KAZN: variants seen among roughly 807,000 people sequenced by gnomAD.
The protein encoded by KAZN is kazrin.
In KAZN, 40 loss-of-function variants were observed where a neutral mutation model predicts 87.4. The observed-to-expected ratio is 0.46, with a 90% CI of 0.36 to 0.60. The LOEUF is 0.60. Ranked by LOEUF, KAZN falls within the 20% of genes least tolerant of loss-of-function variation. The pLI, the probability that KAZN is intolerant of heterozygous loss-of-function variation, is 0.00. For synonymous variants in KAZN, 466 were observed against 458.3 expected (o/e 1.02, Z -0.22); for missense variants, 898 against 1,073.9 (o/e 0.84, Z 2.29).
intron 1 of KAZN, among the ~76,000 whole-genome samples, chr1:14,142,620 C>T (rs767281132): frequency 9.2e-5 from 14 of 152,202 alleles, no homozygotes; most frequent in Non-Finnish European, 1.8e-4. Flanking sequence ...AGCCTGAAAG[C>T]GCTGTAGCCT....
intron 1 of KAZN, among the ~76,000 whole-genome samples, chr1:14,033,075 A>G (rs1410007772): frequency 1.3e-5 from 2 of 152,162 alleles, no homozygotes; most frequent in East Asian, 3.9e-4. Flanking sequence ...GCACAAAAAG[A>G]CATTTGTTGA....
chr1:14,093,497 A>C (rs1429947483), intron 1 of KAZN, among the ~76,000 whole-genome samples: 2 of 152,208 alleles, frequency 1.3e-5, no homozygotes, highest in African/African-American at 2.4e-5. Context: ...ATTTGAACTA[A>C]TTCCTTCCCT....
chr1:14,710,434 G>T (rs528169329), intron 1 of KAZN, among the ~76,000 whole-genome samples: 3 of 152,276 alleles, frequency 2.0e-5, no homozygotes, highest in Non-Finnish European at 4.4e-5. Flanking sequence ...ACCGTGGCAC[G>T]TGGGGCCCTA....
intron 1 of KAZN, among the ~76,000 whole-genome samples, chr1:13,934,911 G>T (rs1027547220): frequency 2.0e-5 from 3 of 152,090 alleles, no homozygotes; most frequent in African/African-American, 7.2e-5. Context: ...AGTTTTTACC[G>T]AGAGATGAAA....
At chr1:14,535,003 G>C (rs1166297162) in intron 2 of KAZN, among the ~76,000 whole-genome samples, 1 of 152,054 alleles carries the variant, frequency 6.6e-6, no homozygotes, top group Non-Finnish European at 1.5e-5. Flanking sequence ...ACTAGATCTT[G>C]AGTTTGGGGC....
chr1:13,929,706 G>C (rs983356520), intron 1 of KAZN, among the ~76,000 whole-genome samples: 2 of 152,172 alleles, frequency 1.3e-5, no homozygotes, highest in African/African-American at 4.8e-5. Context: ...GTTGGCATAG[G>C]AAAGGGATGG....
At chr1:14,397,722 G>T (rs537220187) in intron 2 of KAZN, among the ~76,000 whole-genome samples, 1 of 151,882 alleles carries the variant, frequency 6.6e-6, no homozygotes, top group African/African-American at 2.4e-5. Flanking sequence ...TTAGCTGGGC[G>T]TGGTGGCAGG....
At chr1:13,895,433 AG>A (rs1191212234) in intron 1 of KAZN, among the ~76,000 whole-genome samples, 1 of 152,176 alleles carries the variant, frequency 6.6e-6, no homozygotes, top group Non-Finnish European at 1.5e-5. Flanking sequence ...GGCCTAAATC[AG>A]GCCATGAAAT....
At chr1:15,097,769 G>C (rs376282806) in intron 10 of KAZN, among the ~76,000 whole-genome samples, 3 of 152,240 alleles carry the variant, frequency 2.0e-5, no homozygotes, top group South Asian at 4.2e-4. Context: ...AGTGAGCCGA[G>C]ACTGCATCAT....
chr1:14,547,590 C>T (rs1234718406), intron 2 of KAZN, among the ~76,000 whole-genome samples: 2 of 152,026 alleles, frequency 1.3e-5, no homozygotes, highest in Non-Finnish European at 2.9e-5. Flanking sequence ...TAAAATAACG[C>T]TGTTGTTGTT....
At chr1:14,968,632 C>A (rs977256608) in intron 2 of KAZN, among the ~76,000 whole-genome samples, 3 of 152,110 alleles carry the variant, frequency 2.0e-5, no homozygotes, top group African/African-American at 7.2e-5. Flanking sequence ...GCAGCCAGCA[C>A]GGGGCGGGTG....
chr1:14,529,425 G>A lies in KAZN; in HGVS notation c.250-69558G>A, dbSNP rs75933500. 5.7e-4 allele frequency among the ~76,000 whole-genome samples: 87 copies of A among 152,330 alleles called. 1 individual carries two copies. The East Asian group carries it at 0.015, about 27-fold the overall frequency. The stretch of plus-strand genomic sequence containing the variant: ...TGATTTGGATTCATGCAAAGAGAAC[G>A]AAAGAGTCACTGTGCAACTTCTGAC... On this transcript the variant is annotated intron_variant, in intron 2 of 16. Coordinates refer to the KAZN transcript ENST00000636203.
At chr1:14,458,578 G>A (rs1008015280) in intron 2 of KAZN, among the ~76,000 whole-genome samples, 6 of 152,274 alleles carry the variant, frequency 3.9e-5, no homozygotes, top group African/African-American at 7.2e-5. Context: ...CCTTTTCTCC[G>A]GGGAGGCTCT....
intron 2 of KAZN, among the ~76,000 whole-genome samples, chr1:14,191,731 AACTGGGTTTAGAGACT>A (rs1421679324): frequency 6.6e-6 from 1 of 152,126 alleles, no homozygotes; most frequent in Non-Finnish European, 1.5e-5. Flanking sequence ...GAGGTCTTGA[AACTGGGTTTAGAGACT>A]ACATAGCCAG....
intron 1 of KAZN, among the ~76,000 whole-genome samples, chr1:14,070,813 C>G (rs942881177): frequency 6.6e-6 from 1 of 152,140 alleles, no homozygotes; most frequent in Admixed American, 6.5e-5. Context: ...TGTTACTGAA[C>G]TGTGTTTGAT....
chr1:13,996,643 G>A (rs1639532172), intron 1 of KAZN, among the ~76,000 whole-genome samples: 1 of 152,184 alleles, frequency 6.6e-6, no homozygotes, highest in Non-Finnish European at 1.5e-5. Flanking sequence ...ACTGGGTGGG[G>A]CTTCCTTGTA....
intron 1 of KAZN, among the ~76,000 whole-genome samples, chr1:13,947,634 A>G (rs1243501043): frequency 6.6e-6 from 1 of 152,198 alleles, no homozygotes; most frequent in African/African-American, 2.4e-5. Flanking sequence ...TGCCGTAACA[A>G]ATACTTCAGA....
intron 2 of KAZN, among the ~76,000 whole-genome samples, chr1:14,299,032 A>G (rs1366043219): frequency 6.6e-6 from 1 of 152,148 alleles, no homozygotes; most frequent in Admixed American, 6.5e-5. Context: ...TAATGCAACC[A>G]GAATAGTTCA....
At chr1:14,281,895 A>G (rs1353399373) in intron 2 of KAZN, among the ~76,000 whole-genome samples, 4 of 152,248 alleles carry the variant, frequency 2.6e-5, no homozygotes, top group African/African-American at 9.6e-5. Context: ...CCTGGGACTG[A>G]GGGGGATCCT....
Sources: allele counts gnomAD v4.1 joint callset (sites outside exome capture counted in the v4.1 genomes callset), GRCh38; gene constraint gnomAD v4.1.1; transcripts MANE v1.5; gene names NCBI Gene and HGNC (gene_info 2026-07-23, HGNC 2026-07-21).